CEP72: variants seen among roughly 807,000 people sequenced by gnomAD.
The protein encoded by CEP72 is centrosomal protein 72.
A neutral mutation model predicts 65.7 loss-of-function variants in CEP72; 78 were observed. The observed-to-expected ratio is 1.19, with a 90% CI of 0.99 to 1.43. The LOEUF (loss-of-function observed/expected upper bound fraction) is 1.43, where lower values mean the gene tolerates loss of function less well. Among genes scored for constraint, CEP72 ranks in the 40% most tolerant of loss-of-function variants. CEP72 has a pLI of 0.00. For synonymous variants in CEP72, 358 were observed against 351.7 expected (o/e 1.02, Z -0.20); for missense variants, 914 against 832.9 (o/e 1.10, Z -1.20).
rs918975905 is a variant in CEP72 at position 645,679 on chromosome 5, G to A, written c.1666+1254G>A. ...TGATCAGCACTGGTACCCGCTCCAC[G>A]CCCTGAGCTGCTGGGATAGGCTGCA... On this transcript the variant is annotated intron_variant, in intron 10 of 11. Transcript: ENST00000264935. This position sits in a 1 kb window ranked among gnomAD's most constrained non-coding sequence, Gnocchi z 4.0. 2.0e-5 allele frequency among the ~76,000 whole-genome samples: 3 copies of A among 152,216 alleles called. No homozygotes were observed. Among genetic ancestry groups the A allele is most frequent in the Non-Finnish European group, 2.9e-5 (2 of 68,044 alleles).
the CEP72 span, among the ~76,000 whole-genome samples, chr5:673,017 C>T: frequency 6.6e-6 from 1 of 152,206 alleles, no homozygotes; most frequent in Non-Finnish European, 1.5e-5. Flanking sequence ...AATCGGTAGA[C>T]TTTTTCTCCA....
intron 8 of CEP72, among the ~76,000 whole-genome samples, chr5:639,473 G>T (rs900158754): frequency 1.3e-5 from 2 of 152,310 alleles, no homozygotes; most frequent in African/African-American, 4.8e-5. Context: ...GTGTTGGGGG[G>T]CCTGTCACCT....
intron 9 of CEP72, 121 bp from the exon 10 acceptor site, chr5:644,178 C>T (rs1396557338): frequency 3.6e-6 from 4 of 1,109,608 alleles, no homozygotes; most frequent in Non-Finnish European, 5.3e-6. Context: ...CTGCCTTTCA[C>T]ATCGTGACTC....
rs765040244 is a variant in CEP72 at position 644,411 on chromosome 5, A to C, written c.1652A>C (p.Asn551Thr). Residue 551 changes from asparagine (N) to threonine (T), a missense_variant, in exon 10 of 12, where the codon AAT becomes ACT. Coordinates refer to ENST00000264935, the MANE Select transcript of CEP72 (RefSeq NM_018140.4). ...VKSADTAATL[N>T]LQIAGLQTSV... ...AGTGCAGACACTGCAGCCACGTTAA[A>C]TTTGCAGATCGCTGGTAAGTTGATC... 6.2e-7 allele frequency: 1 copy of C among 1,613,816 alleles called. No homozygotes were observed. The highest frequency in any genetic ancestry group is 1.7e-5 in the Admixed American group (1 of 60,012).
intron 3 of CEP72, among the ~76,000 whole-genome samples, chr5:620,885 C>T (rs1736345755): frequency 6.6e-6 from 1 of 152,214 alleles, no homozygotes; most frequent in Non-Finnish European, 1.5e-5. Flanking sequence ...TGCCTCCTGC[C>T]TCCCCGGAGG....
At chr5:668,238 C>T (rs866006306), downstream of CEP72, among the ~76,000 whole-genome samples, 10 of 81,836 alleles carry the variant, frequency 1.2e-4, 2 homozygotes, top group Middle Eastern at 7.9e-3. Context: ...GCCGTGTGGG[C>T]GCCGTCAGGG....
chr5:675,033 GAGGGGGGTACAGTA>G, the CEP72 span, among the ~76,000 whole-genome samples: 2 of 105,110 alleles, frequency 1.9e-5, no homozygotes, highest in East Asian at 3.3e-4. Context: ...GGGGAGCAGT[GAGGGGGGTACAGTA>G]TGGCTGGGGG....
At chr5:617,245 C>T (rs553081139) in intron 1 of CEP72, among the ~76,000 whole-genome samples, 1 of 152,310 alleles carries the variant, frequency 6.6e-6, no homozygotes, top group Admixed American at 6.5e-5. Context: ...GCTTCTGTTC[C>T]TTTCAGTCCC....
At chr5:671,248 A>C (rs1241972843), downstream of CEP72, among the ~76,000 whole-genome samples, 1 of 31,130 alleles carries the variant, frequency 3.2e-5, no homozygotes, top group Admixed American at 2.7e-4. Context: ...TTTCCTGGGG[A>C]GGGGCGGGGG....
the CEP72 span, among the ~76,000 whole-genome samples, chr5:675,425 G>A: frequency 2.0e-5 from 2 of 100,620 alleles, no homozygotes; most frequent in Non-Finnish European, 4.4e-5. Flanking sequence ...GTGGCCAGGG[G>A]TGCAGCACGG....
intron 11 of CEP72, among the ~76,000 whole-genome samples, chr5:651,848 C>G (rs537801493): frequency 1.3e-4 from 18 of 133,804 alleles, no homozygotes; most frequent in Non-Finnish European, 2.6e-4. Context: ...CTCTTCCTTT[C>G]CCCCGACCTC....
At chr5:616,149 C>G (rs930326500) in intron 1 of CEP72, among the ~76,000 whole-genome samples, 4 of 151,834 alleles carry the variant, frequency 2.6e-5, no homozygotes, top group African/African-American at 9.7e-5. Flanking sequence ...TTCGTTTTTC[C>G]TTTATATTTG....
chr5:625,875 T>C (rs997893939), intron 4 of CEP72, among the ~76,000 whole-genome samples: 4 of 152,114 alleles, frequency 2.6e-5, no homozygotes, highest in African/African-American at 9.7e-5. Flanking sequence ...TCCGTGCCTG[T>C]CTCTCTACGG....
Position 645,168 on chromosome 5 carries a change from G to A in CEP72, c.1666+743G>A, listed in dbSNP as rs964061339. Reference sequence around the variant, plus strand: ...AAGGCCAGGTAGTAACCGTTTCAGGGCGTGTGGGTCTCACGATGTCTGTCC... The same window carrying A: ...AAGGCCAGGTAGTAACCGTTTCAGGACGTGTGGGTCTCACGATGTCTGTCC... On this transcript the variant is annotated intron_variant, in intron 10 of 11. Transcript: ENST00000264935. The surrounding 1 kb of genome is among the most constrained non-coding windows in gnomAD (Gnocchi z 4.0). Among the ~76,000 whole-genome samples the A allele has an allele frequency of 6.6e-6, 1 of 152,032 alleles. No individual in the cohort carries two copies. Among genetic ancestry groups the A allele is most frequent in the African/African-American group, 2.4e-5 (1 of 41,382 alleles).
At chr5:612,641 C>G in intron 1 of CEP72, 198 bp downstream of exon 1, 1 of 984,868 alleles carries the variant, frequency 1.0e-6, no homozygotes, top group Non-Finnish European at 1.2e-6. Context: ...CGGCCCCTGC[C>G]CGCGTTCGGG....
chr5:620,642 G>A (rs1345953692), intron 3 of CEP72, among the ~76,000 whole-genome samples: 1 of 152,222 alleles, frequency 6.6e-6, no homozygotes, highest in African/African-American at 2.4e-5. Flanking sequence ...CTAAACAGCA[G>A]GATGCTGCCT....
chr5:642,927 G>A (rs1223950306), intron 9 of CEP72: 15 of 985,466 alleles, frequency 1.5e-5, no homozygotes, highest in East Asian at 1.1e-4. Context: ...AGCTGCAGTC[G>A]GGTGTCCTGA....
chr5:648,735 CATGACTGTGAGGT>C (rs1580019221), intron 11 of CEP72, among the ~76,000 whole-genome samples: 3 of 34,658 alleles, frequency 8.7e-5, no homozygotes, highest in Admixed American at 9.3e-4. Flanking sequence ...GACTGTGAGG[CATGACTGTGAGGT>C]GTGGACTGTG....
At chr5:617,561 C>G (rs1736073146) in intron 1 of CEP72, among the ~76,000 whole-genome samples, 1 of 152,204 alleles carries the variant, frequency 6.6e-6, no homozygotes, top group Admixed American at 6.5e-5. Context: ...GCACCTTGTC[C>G]CCTCCTGACC....
Sources: gnomAD v4.1 joint callset for allele counts (sites outside exome capture counted in the v4.1 genomes callset) on GRCh38, gnomAD v4.1.1 for gene constraint, Gnocchi (gnomAD v3.1) non-coding constraint, MANE v1.5 for transcripts, NCBI Gene and HGNC (gene_info 2026-07-23, HGNC 2026-07-21) for gene names.